Variants in DOCK8 observed in about 807,000 individuals in gnomAD.
DOCK8 encodes dedicator of cytokinesis 8, also known as dedicator of cytokinesis protein 8.
In DOCK8, 141 loss-of-function variants were observed where a neutral mutation model predicts 245.6. The observed-to-expected ratio is 0.57, with a 90% CI of 0.50 to 0.66. The LOEUF is 0.66. Among genes scored for constraint, DOCK8 ranks in the 30% least tolerant of loss-of-function variants. DOCK8 has a pLI of 0.00. For missense variants in DOCK8, 2,965 were observed against 2,603.4 expected, an observed-to-expected ratio of 1.14 and a Z score of -3.02; for synonymous variants, 1,168 against 970.2, an observed-to-expected ratio of 1.20 and a Z score of -3.79.
intron 39 of DOCK8, among the ~76,000 whole-genome samples, chr9:436,041 T>C (rs975955949): frequency 1.3e-5 from 2 of 152,232 alleles, no homozygotes; most frequent in African/African-American, 4.8e-5. Flanking sequence ...TGTGATGTTG[T>C]ATGAACCAGA....
At chr9:445,242 T>C (rs139110782) in intron 43 of DOCK8, among the ~76,000 whole-genome samples, 99 of 152,282 alleles carry the variant, frequency 6.5e-4, no homozygotes, top group African/African-American at 2.3e-3. Flanking sequence ...GGTGCCCTTT[T>C]CCCCTCTTTT....
rs760849727 is a variant in DOCK8, at chr9:214,916, G to C, written c.-61G>C. ...GCATGTTCCGCGGCTACTCTGCGGC[G>C]CGCCAGGCCCCCGCTTTCCGCACCC... On this transcript the variant is annotated 5_prime_UTR_variant, in exon 1 of 48. Transcript: ENST00000432829. 6.2e-7 allele frequency: 1 copy of C among 1,604,060 alleles called. No individual in the cohort carries two copies. Among genetic ancestry groups the C allele is most frequent in the African/African-American group, 1.4e-5 (1 of 73,574 alleles).
chr9:333,132 T>C (rs777348482), intron 10 of DOCK8, among the ~76,000 whole-genome samples: 4 of 152,120 alleles, frequency 2.6e-5, no homozygotes, highest in Admixed American at 6.5e-5. Flanking sequence ...GTGCCAGAGC[T>C]CTCCTGGCCT....
intron 14 of DOCK8, among the ~76,000 whole-genome samples, chr9:344,502 C>T (rs1363751618): frequency 1.3e-5 from 2 of 151,998 alleles, no homozygotes; most frequent in African/African-American, 2.4e-5. Context: ...TGGAAAGAAT[C>T]GAGTGAGGTC....
chr9:373,851 A>G (rs139890276), intron 18 of DOCK8, among the ~76,000 whole-genome samples: 2 of 152,184 alleles, frequency 1.3e-5, no homozygotes, highest in East Asian at 1.9e-4. Context: ...TTGGACATCA[A>G]CACCTTTCAG....
intron 1 of DOCK8, among the ~76,000 whole-genome samples, chr9:223,390 A>G (rs187895477): frequency 5.9e-5 from 9 of 152,258 alleles, no homozygotes; most frequent in African/African-American, 1.9e-4. Context: ...AAGACAAGTG[A>G]GTCATGGGCC....
chr9:227,726 A>G (rs1397781095), intron 1 of DOCK8, among the ~76,000 whole-genome samples: 1 of 152,208 alleles, frequency 6.6e-6, no homozygotes, highest in African/African-American at 2.4e-5. Flanking sequence ...TGTTGATTAA[A>G]AAGTCATCTG....
At chr9:393,112 A>G (rs1464096606) in intron 24 of DOCK8, among the ~76,000 whole-genome samples, 18 of 131,812 alleles carry the variant, frequency 1.4e-4, no homozygotes, top group South Asian at 2.1e-4. Context: ...AAAAAAAAAA[A>G]AAGAAGAAGA....
At chr9:341,378 C>T (rs1586745776) in intron 14 of DOCK8, among the ~76,000 whole-genome samples, 1 of 152,190 alleles carries the variant, frequency 6.6e-6, no homozygotes, top group Non-Finnish European at 1.5e-5. Flanking sequence ...TGCTCATGCA[C>T]TTCTTTATTT....
chr9:391,349 G>C (rs532804792), intron 24 of DOCK8, among the ~76,000 whole-genome samples: 1 of 151,898 alleles, frequency 6.6e-6, no homozygotes, highest in Non-Finnish European at 1.5e-5. Flanking sequence ...CTGTCTCAGC[G>C]GTTAGATTTT....
intron 1 of DOCK8, among the ~76,000 whole-genome samples, chr9:263,705 A>C (rs1175494374): frequency 6.6e-6 from 1 of 152,228 alleles, no homozygotes; most frequent in Non-Finnish European, 1.5e-5. Context: ...ACTTATGAAG[A>C]ATATTTTCAC....
chr9:215,096 C>T (rs753457976), intron 1 of DOCK8, 67 bp downstream of exon 1: 57 of 1,516,812 alleles, frequency 3.8e-5, no homozygotes, highest in Non-Finnish European at 4.6e-5. Flanking sequence ...AGCGGAGCTT[C>T]GCTGCAGGGG....
intron 10 of DOCK8, among the ~76,000 whole-genome samples, chr9:333,745 C>T (rs188854321): frequency 6.6e-6 from 1 of 151,778 alleles, no homozygotes; most frequent in African/African-American, 2.4e-5. Context: ...TCAGAAAGAA[C>T]ACCTTGGAAG....
At chr9:438,882 C>T (rs2056992175) in intron 39 of DOCK8, among the ~76,000 whole-genome samples, 1 of 152,184 alleles carries the variant, frequency 6.6e-6, no homozygotes, top group Non-Finnish European at 1.5e-5. Context: ...CTCGGTGAAA[C>T]AGGGAGCCTA....
chr9:441,691 C>T (rs749044323), intron 41 of DOCK8, among the ~76,000 whole-genome samples, 184 bp from the exon 42 acceptor site: 9 of 152,050 alleles, frequency 5.9e-5, no homozygotes, highest in Admixed American at 6.5e-5. Flanking sequence ...CATGGGATTC[C>T]TTTTGTTGTT....
intron 46 of DOCK8, chr9:459,968 A>G (rs967083553): frequency 1.3e-5 from 2 of 152,186 alleles, no homozygotes; most frequent in Non-Finnish European, 2.9e-5. Context: ...GGCTGTCACA[A>G]AGAACCATCC....
At chr9:214,286 G>A, upstream of DOCK8, 1 of 530,450 alleles carries the variant, frequency 1.9e-6, no homozygotes, top group Non-Finnish European at 3.3e-6. Flanking sequence ...GTGTTTCTCC[G>A]GAGAAAAGCA....
chr9:346,848 A>G (rs2051914059), intron 14 of DOCK8, among the ~76,000 whole-genome samples: 1 of 152,126 alleles, frequency 6.6e-6, no homozygotes, highest in Non-Finnish European at 1.5e-5. Context: ...TGATTTAGTG[A>G]CTAGAACTTC....
At chr9:353,711 G>T (rs2131037462) in intron 14 of DOCK8, among the ~76,000 whole-genome samples, 1 of 152,300 alleles carries the variant, frequency 6.6e-6, no homozygotes, top group African/African-American at 2.4e-5. Flanking sequence ...TCCAGATTTG[G>T]ACTATGCAAA....
Sources: allele counts gnomAD v4.1 joint callset (sites outside exome capture counted in the v4.1 genomes callset), GRCh38; gene constraint gnomAD v4.1.1; transcripts MANE v1.5; gene names NCBI Gene and HGNC (gene_info 2026-07-23, HGNC 2026-07-21).